The following CCDC13 variants were observed in gnomAD, a reference collection of about 807,000 sequenced individuals.
CCDC13 encodes the protein coiled-coil domain-containing protein 13.
A neutral mutation model predicts 87.3 loss-of-function variants in CCDC13; 70 were observed. The observed-to-expected ratio is 0.80, with a 90% CI of 0.66 to 0.98. CCDC13 has a LOEUF of 0.98. CCDC13 is among the 50% of genes least tolerant of loss of function. The pLI is 0.00. For missense variants in CCDC13, 842 were observed against 892.0 expected (o/e 0.94, Z 0.71); for synonymous variants, 317 against 360.3 (o/e 0.88, Z 1.36).
At chr3:42,765,643 C>T (rs764585481) in intron 1 of CCDC13, among the ~76,000 whole-genome samples, 9 of 152,180 alleles carry the variant, frequency 5.9e-5, no homozygotes, top group African/African-American at 9.7e-5. Flanking sequence ...AGGTGTTAAG[C>T]ACTCTGAGAG....
intron 13 of CCDC13, among the ~76,000 whole-genome samples, chr3:42,728,466 G>A (rs553200471): frequency 4.7e-4 from 71 of 150,998 alleles, no homozygotes; most frequent in Non-Finnish European, 7.2e-4. Flanking sequence ...GGATCTCTGA[G>A]AAACGAAGGT....
At chr3:42,747,233 C>A in intron 6 of CCDC13, 24 bp downstream of exon 6, 1 of 1,576,310 alleles carries the variant, frequency 6.3e-7, no homozygotes, top group East Asian at 2.2e-5. Context: ...ACACAAGAAG[C>A]CCCAAGCCCT....
At chr3:42,714,008 T>C (rs535145576) in intron 13 of CCDC13, 1 of 152,324 alleles carries the variant, frequency 6.6e-6, no homozygotes, top group South Asian at 2.1e-4. Context: ...TTCCAGGTAG[T>C]TGAAGGACTG....
chr3:42,740,745 T>C (rs537051607), intron 8 of CCDC13, among the ~76,000 whole-genome samples: 2 of 152,164 alleles, frequency 1.3e-5, no homozygotes, highest in East Asian at 3.9e-4. Flanking sequence ...AGAGGTTAGA[T>C]TAGGCAAACC....
At chr3:42,767,469 T>C (rs748437456) in intron 1 of CCDC13, among the ~76,000 whole-genome samples, 1 of 152,210 alleles carries the variant, frequency 6.6e-6, no homozygotes, top group Non-Finnish European at 1.5e-5. Context: ...CTCATGCACA[T>C]GAATAGGAAG....
chr3:42,735,591 G>A, intron 10 of CCDC13, 116 bp downstream of exon 10: 2 of 1,086,194 alleles, frequency 1.8e-6, no homozygotes, highest in Non-Finnish European at 1.4e-6. Context: ...TGGCCAAAGT[G>A]GAGCCAGGAA....
chr3:42,712,870 G>A (rs999514981), intron 14 of CCDC13, among the ~76,000 whole-genome samples: 1 of 152,246 alleles, frequency 6.6e-6, no homozygotes, highest in Non-Finnish European at 1.5e-5. Flanking sequence ...TTAGGATAGA[G>A]GGTTGAGGGC....
intron 13 of CCDC13, among the ~76,000 whole-genome samples, chr3:42,723,907 A>C (rs1188454976): frequency 6.6e-6 from 1 of 152,222 alleles, no homozygotes; most frequent in African/African-American, 2.4e-5. Context: ...TACTAAGTAA[A>C]ATAAGTAGCA....
intron 8 of CCDC13, among the ~76,000 whole-genome samples, chr3:42,740,112 T>G (rs1472621207): frequency 1.3e-5 from 2 of 152,146 alleles, no homozygotes. Flanking sequence ...GCCAGCCAAC[T>G]GCGTGTGTCC....
chr3:42,770,438 G>A (rs995861876), intron 1 of CCDC13, among the ~76,000 whole-genome samples: 20 of 152,172 alleles, frequency 1.3e-4, no homozygotes, highest in African/African-American at 4.8e-4. Flanking sequence ...AAACTTTTGT[G>A]TCTAGCTCAG....
At chr3:42,710,944 A>T (rs1698295512) in intron 14 of CCDC13, among the ~76,000 whole-genome samples, 2 of 152,056 alleles carry the variant, frequency 1.3e-5, no homozygotes, top group Admixed American at 1.3e-4. Flanking sequence ...CCTGTGACAC[A>T]GGGAATCAAA....
At chr3:42,751,155 T>C (rs920137066) in intron 5 of CCDC13, among the ~76,000 whole-genome samples, 2 of 152,198 alleles carry the variant, frequency 1.3e-5, no homozygotes, top group East Asian at 3.8e-4. Flanking sequence ...GCAGGGAAGA[T>C]GGGGCTAGAA....
chr3:42,769,362 A>T (rs1422048526), intron 1 of CCDC13, among the ~76,000 whole-genome samples: 1 of 152,196 alleles, frequency 6.6e-6, no homozygotes, highest in Non-Finnish European at 1.5e-5. Flanking sequence ...AGCAACAAGA[A>T]TTTCTATTTA....
chr3:42,707,346 G>A lies in CCDC13; in HGVS notation c.*1634C>T, dbSNP rs1011577694. ...CAGAGAAAAACTCTTCCTTCCCAGA[G>A]ACCCTTAGGACCCCACCAGAATCAT... is the stretch of plus-strand genomic sequence containing the variant. On this transcript the variant is annotated 3_prime_UTR_variant, in exon 16 of 16. Coordinates refer to ENST00000310232, the MANE Select transcript of CCDC13 (RefSeq NM_144719.4). Among the ~76,000 whole-genome samples the A allele has an allele frequency of 6.6e-6, 1 of 152,120 alleles. No homozygotes were observed. Among genetic ancestry groups the A allele is most frequent in the Non-Finnish European group, 1.5e-5 (1 of 68,022 alleles).
chr3:42,756,802 C>T (rs182969903), intron 3 of CCDC13, among the ~76,000 whole-genome samples: 5 of 152,244 alleles, frequency 3.3e-5, no homozygotes, highest in African/African-American at 1.2e-4. Context: ...ACCAACATTG[C>T]CTATGATGCT....
chr3:42,732,542 C>A, intron 12 of CCDC13: 1 of 304,374 alleles, frequency 3.3e-6, no homozygotes. Context: ...TCAGTGGGAA[C>A]CCATATCATG....
At position 42,732,869 on chromosome 3, in the gene CCDC13, G is replaced by A. The variant is rs1452143555; in HGVS notation, c.1595+18C>T. The A allele has an allele frequency of 1.9e-6, 3 of 1,546,912 alleles. No individual in the cohort carries two copies. Among genetic ancestry groups the A allele is most frequent in the Non-Finnish European group, 2.6e-6 (3 of 1,143,866 alleles). On this transcript the variant is annotated intron_variant, in intron 12 of 15. Transcript: ENST00000310232. ...AATGGGAAAAAACTGTGAGAGTCCG[G>A]GGGTCGGGGGTCCATACCTAGGTGA...
intron 11 of CCDC13, 38 bp downstream of exon 11, chr3:42,733,432 G>C: frequency 6.2e-7 from 1 of 1,611,622 alleles, no homozygotes; most frequent in African/African-American, 1.3e-5. Flanking sequence ...AATAATTAAT[G>C]TTCACTTTCC....
intron 12 of CCDC13, 27 bp downstream of exon 12, chr3:42,732,860 G>A: frequency 6.5e-7 from 1 of 1,539,106 alleles, no homozygotes. Context: ...AAAAAACTGT[G>A]AGAGTCCGGG....
Sources: gnomAD v4.1 joint callset for allele counts (sites outside exome capture counted in the v4.1 genomes callset) on GRCh38, gnomAD v4.1.1 for gene constraint, MANE v1.5 for transcripts, NCBI Gene and HGNC (gene_info 2026-07-23, HGNC 2026-07-21) for gene names.